Variants in CYYR1 observed in about 807,000 individuals in gnomAD.
The protein encoded by CYYR1 is cysteine and tyrosine-rich protein 1.
Under a neutral mutation model 15.2 loss-of-function variants are expected in CYYR1, and 14 were observed. The observed-to-expected ratio is 0.92, with a 90% CI of 0.61 to 1.44. CYYR1 has a LOEUF of 1.44. CYYR1 is among the 40% of genes most tolerant of loss of function. The pLI is 0.00. For missense variants in CYYR1, 228 were observed against 209.5 expected, an observed-to-expected ratio of 1.09 and a Z score of -0.54; for synonymous variants, 80 against 77.4, an observed-to-expected ratio of 1.03 and a Z score of -0.18.
At chr21:26,504,943 C>CCTTGCT (rs2065534668) in intron 2 of CYYR1, among the ~76,000 whole-genome samples, 1 of 152,158 alleles carries the variant, frequency 6.6e-6, no homozygotes, top group South Asian at 2.1e-4. Context: ...TTTCACTGAA[C>CCTTGCT]ATAATGATCT....
Position 26,496,650 on chromosome 21 carries a change from C to A in CYYR1, c.177-16221G>T, listed in dbSNP as rs1012911272. 4.6e-5 allele frequency among the ~76,000 whole-genome samples: 7 copies of A among 152,196 alleles called. No individual in the cohort carries two copies. In the East Asian group the frequency reaches 1.3e-3, roughly 29 times the overall value. On this transcript the variant is annotated intron_variant, in intron 2 of 3. Coordinates refer to ENST00000652641, the MANE Select transcript of CYYR1 (RefSeq NM_001320768.2). ...GCAATCTTTTTTGTTTATATATAGC[C>A]ATTGAAGGATATGTTTGATTATATG...
At chr21:26,552,337 T>G (rs1244498080) in intron 2 of CYYR1, among the ~76,000 whole-genome samples, 1 of 152,192 alleles carries the variant, frequency 6.6e-6, no homozygotes, top group African/African-American at 2.4e-5. Flanking sequence ...TGGTTAATAT[T>G]TGCATGGTAT....
At chr21:26,559,476 C>T (rs11088004) in intron 2 of CYYR1, among the ~76,000 whole-genome samples, 6,664 of 151,954 alleles carry the variant, frequency 0.044, 167 homozygotes, top group Admixed American at 0.068. Flanking sequence ...GTGTACAGTT[C>T]GGTGTTTTTT....
intron 2 of CYYR1, among the ~76,000 whole-genome samples, chr21:26,546,461 T>C (rs1978984589): frequency 6.6e-6 from 1 of 152,228 alleles, no homozygotes; most frequent in Non-Finnish European, 1.5e-5. Context: ...TGTGGTGGGC[T>C]GTTGATCATG....
At chr21:26,523,808 T>G (rs944940195) in intron 2 of CYYR1, among the ~76,000 whole-genome samples, 3 of 152,210 alleles carry the variant, frequency 2.0e-5, no homozygotes, top group African/African-American at 7.2e-5. Context: ...CAGTACATTT[T>G]CTGAGCCACA....
intron 2 of CYYR1, among the ~76,000 whole-genome samples, chr21:26,561,507 C>T (rs1421580008): frequency 3.3e-5 from 5 of 152,168 alleles, no homozygotes; most frequent in Non-Finnish European, 7.4e-5. Context: ...TCTCAAATCA[C>T]GGTTGTGATA....
At chr21:26,512,949 G>A (rs780054226) in intron 2 of CYYR1, among the ~76,000 whole-genome samples, 31 of 152,266 alleles carry the variant, frequency 2.0e-4, no homozygotes, top group South Asian at 2.1e-4. Flanking sequence ...CTAGCCAAGC[G>A]TTTAACATTT....
chr21:26,486,851 T>C lies in CYYR1; in HGVS notation c.177-6422A>G, dbSNP rs191806247. Among the ~76,000 whole-genome samples the C allele has an allele frequency of 2.4e-3, 364 of 152,154 alleles. 1 individual carries two copies. Among genetic ancestry groups the C allele is most frequent in the African/African-American group, 8.1e-3 (336 of 41,544 alleles). ...CAGCTTACTAGTTATCTTGATGTGGTTTTACTATTAATATTAAATAATATT... is the reference window on the plus strand; with the variant it reads ...CAGCTTACTAGTTATCTTGATGTGGCTTTACTATTAATATTAAATAATATT... On this transcript the variant is annotated intron_variant, in intron 2 of 3. Transcript: ENST00000652641.
intron 2 of CYYR1, among the ~76,000 whole-genome samples, chr21:26,485,164 G>C (rs62216507): frequency 0.13 from 19,193 of 151,874 alleles, 1,608 homozygotes; most frequent in Non-Finnish European, 0.19. Flanking sequence ...CGCCTTGCAA[G>C]GTTTGCACAT....
At chr21:26,486,413 CTATGATCTATTT>C (rs2065248275) in intron 2 of CYYR1, among the ~76,000 whole-genome samples, 1 of 151,834 alleles carries the variant, frequency 6.6e-6, no homozygotes, top group African/African-American at 2.4e-5. Context: ...ATATTTAAAC[CTATGATCTATTT>C]TTGTTTAATT....
At chr21:26,481,342 G>T (rs544524768) in intron 2 of CYYR1, among the ~76,000 whole-genome samples, 1 of 152,026 alleles carries the variant, frequency 6.6e-6, no homozygotes, top group Admixed American at 6.6e-5. Flanking sequence ...ACATCCTAAT[G>T]TCCATAAAAA....
intron 3 of CYYR1, among the ~76,000 whole-genome samples, chr21:26,469,590 C>A (rs897617040): frequency 5.9e-5 from 9 of 151,992 alleles, no homozygotes; most frequent in Admixed American, 5.9e-4. Flanking sequence ...GGGCAACTGG[C>A]ATACCCATCA....
At position 26,573,137 on chromosome 21, in the gene CYYR1, A is replaced by C; in HGVS notation, c.-197T>G. 1 of 1,497,262 alleles carries C rather than the reference A, an allele frequency of 6.7e-7. No homozygotes were observed. The highest frequency in any genetic ancestry group is 8.9e-7 in the Non-Finnish European group (1 of 1,128,256). 92.7% of individuals were successfully genotyped at this position (1,497,262 alleles called of 1,614,324 possible). A position where few individuals can be genotyped will look rare whatever the true frequency, so the allele number is the denominator to read the frequency against. On this transcript the variant is annotated 5_prime_UTR_variant, in exon 1 of 4. Coordinates refer to ENST00000652641, the MANE Select transcript of CYYR1 (RefSeq NM_001320768.2). ...GGCCAGCGACTGCGGGACTCCGCGG[A>C]GCTGGGGCGCCCGTGGCCCGAGACG...
chr21:26,571,483 A>C (rs1292551287), intron 1 of CYYR1, among the ~76,000 whole-genome samples: 1 of 152,250 alleles, frequency 6.6e-6, no homozygotes, highest in Non-Finnish European at 1.5e-5. Flanking sequence ...AGATGTGTAA[A>C]GCAGAAGCTT....
intron 1 of CYYR1, 81 bp from the exon 2 acceptor site, chr21:26,566,449 A>T: frequency 9.2e-7 from 1 of 1,085,994 alleles, no homozygotes. Context: ...TCACAACTTA[A>T]TCAGCCAATG....
chr21:26,559,377 A>G (rs1198748857), intron 2 of CYYR1, among the ~76,000 whole-genome samples: 1 of 152,092 alleles, frequency 6.6e-6, no homozygotes, highest in Non-Finnish European at 1.5e-5. Flanking sequence ...TTTGCCTTAC[A>G]TTTTTATCTA....
intron 3 of CYYR1, chr21:26,478,266 G>T: frequency 8.3e-7 from 1 of 1,198,778 alleles, no homozygotes. Flanking sequence ...TGTCAGAAGG[G>T]ACACATTACA....
intron 3 of CYYR1, among the ~76,000 whole-genome samples, chr21:26,474,597 T>C (rs1433976370): frequency 6.6e-6 from 1 of 151,978 alleles, no homozygotes; most frequent in Non-Finnish European, 1.5e-5. Context: ...AGACTTAACA[T>C]CTGGCCCATG....
At chr21:26,519,362 G>T (rs1214490117) in intron 2 of CYYR1, among the ~76,000 whole-genome samples, 2 of 152,182 alleles carry the variant, frequency 1.3e-5, no homozygotes, top group Non-Finnish European at 2.9e-5. Flanking sequence ...ACAAAGACTT[G>T]AAAGTGGTGA....
Sources: allele counts gnomAD v4.1 joint callset (sites outside exome capture counted in the v4.1 genomes callset), GRCh38; gene constraint gnomAD v4.1.1; transcripts MANE v1.5; gene names NCBI Gene and HGNC (gene_info 2026-07-23, HGNC 2026-07-21).